The following VPS54 variants were observed in gnomAD, a reference collection of about 807,000 sequenced individuals.
VPS54 encodes vacuolar protein sorting-associated protein 54.
Under a neutral mutation model 121.5 loss-of-function variants are expected in VPS54, and 45 were observed. The observed-to-expected ratio is 0.37, with a 90% CI of 0.29 to 0.47. The LOEUF (loss-of-function observed/expected upper bound fraction) is 0.47, where lower values mean the gene tolerates loss of function less well. Among genes scored for constraint, VPS54 ranks in the 20% least tolerant of loss-of-function variants. The probability of loss-of-function intolerance (pLI) is 0.99; values close to 1 mark genes in which losing one functional copy is unlikely to be tolerated. For missense variants in VPS54, 1,090 were observed against 1,131.4 expected, an observed-to-expected ratio of 0.96 and a Z score of 0.52; for synonymous variants, 371 against 385.8, an observed-to-expected ratio of 0.96 and a Z score of 0.45.
intron 7 of VPS54, among the ~76,000 whole-genome samples, chr2:63,955,962 A>G (rs1675473910): frequency 6.6e-6 from 1 of 152,148 alleles, no homozygotes; most frequent in Non-Finnish European, 1.5e-5. Flanking sequence ...GACAACTAAA[A>G]TATCACTTTC....
intron 3 of VPS54, among the ~76,000 whole-genome samples, chr2:63,977,853 G>C (rs1359295768): frequency 6.6e-6 from 1 of 152,220 alleles, no homozygotes; most frequent in Non-Finnish European, 1.5e-5. Context: ...CTGGCTAAGA[G>C]TTAGGCTTTA....
chr2:64,013,614 A>G (rs1402222334), intron 1 of VPS54, among the ~76,000 whole-genome samples: 3 of 146,484 alleles, frequency 2.0e-5, no homozygotes, highest in South Asian at 2.1e-4. Context: ...CATATGATAT[A>G]TATCAGCATT....
chr2:63,957,491 T>C (rs1675558704), intron 7 of VPS54, among the ~76,000 whole-genome samples: 1 of 151,294 alleles, frequency 6.6e-6, no homozygotes, highest in Non-Finnish European at 1.5e-5. Flanking sequence ...AATTGCCCAA[T>C]TTTGCAACAA....
chr2:64,013,728 A>C (rs926469582), intron 1 of VPS54, among the ~76,000 whole-genome samples: 1 of 148,150 alleles, frequency 6.7e-6, no homozygotes, highest in Admixed American at 6.8e-5. Context: ...AGAGAGATAT[A>C]TATATATCAT....
intron 1 of VPS54, among the ~76,000 whole-genome samples, chr2:63,996,028 C>T (rs767122942): frequency 6.6e-6 from 1 of 152,134 alleles, no homozygotes; most frequent in South Asian, 2.1e-4. Context: ...CCTGTTTAAT[C>T]GGCTTGTCTT....
chr2:63,901,268 G>GA (rs1672669209), intron 20 of VPS54, among the ~76,000 whole-genome samples: 1 of 152,192 alleles, frequency 6.6e-6, no homozygotes, highest in South Asian at 2.1e-4. Flanking sequence ...TAATTCCAAA[G>GA]ACTGAAAAGG....
chr2:63,959,526 A>C (rs1455396646), intron 7 of VPS54, among the ~76,000 whole-genome samples: 1 of 151,818 alleles, frequency 6.6e-6, no homozygotes, highest in Non-Finnish European at 1.5e-5. Flanking sequence ...TGTGGTTCTA[A>C]AAAAAAATAG....
At chr2:63,929,897 A>T (rs574676910) in intron 12 of VPS54, among the ~76,000 whole-genome samples, 4 of 152,296 alleles carry the variant, frequency 2.6e-5, no homozygotes, top group African/African-American at 9.6e-5. Flanking sequence ...CTACACAAAT[A>T]AACTAGAAAA....
intron 9 of VPS54, 127 bp downstream of exon 9, chr2:63,947,256 A>G (rs1675022399): frequency 1.1e-5 from 10 of 927,668 alleles, no homozygotes; most frequent in Non-Finnish European, 1.5e-5. Context: ...CATTTTTCTA[A>G]ATTTTCAGTT....
intron 12 of VPS54, among the ~76,000 whole-genome samples, chr2:63,927,028 G>A (rs1014818029): frequency 1.3e-5 from 2 of 152,200 alleles, no homozygotes; most frequent in South Asian, 2.1e-4. Flanking sequence ...AGAGCACACC[G>A]CAGCTCAGCA....
chr2:63,901,533 A>G (rs2104405938), intron 20 of VPS54, among the ~76,000 whole-genome samples: 1 of 152,324 alleles, frequency 6.6e-6, no homozygotes, highest in East Asian at 1.9e-4. Context: ...AAGGGAGAAG[A>G]TCATATAGAT....
intron 22 of VPS54, 103 bp from the exon 23 acceptor site, chr2:63,893,638 G>C (rs1049187664): frequency 9.9e-7 from 1 of 1,007,746 alleles, no homozygotes; most frequent in African/African-American, 1.6e-5. Flanking sequence ...CTAAAATTCA[G>C]ATTTCTTAGT....
chr2:63,972,417 T>C (rs1286231735), intron 3 of VPS54, among the ~76,000 whole-genome samples, 173 bp from the exon 4 acceptor site: 1 of 152,202 alleles, frequency 6.6e-6, no homozygotes. Flanking sequence ...ATAAACCAAA[T>C]ACCTCTATGA....
intron 20 of VPS54, among the ~76,000 whole-genome samples, chr2:63,907,235 T>C (rs1245225519): frequency 6.6e-6 from 1 of 152,140 alleles, no homozygotes; most frequent in East Asian, 1.9e-4. Context: ...CAAAGATTTC[T>C]TGGCCGGACG....
chr2:63,946,246 C>T (rs1300403687), intron 9 of VPS54, among the ~76,000 whole-genome samples: 2 of 152,070 alleles, frequency 1.3e-5, no homozygotes, highest in African/African-American at 2.4e-5. Flanking sequence ...TAGTATTCCA[C>T]TGTACAAATA....
At chr2:63,928,277 C>A (rs1468112664) in intron 12 of VPS54, among the ~76,000 whole-genome samples, 1 of 152,174 alleles carries the variant, frequency 6.6e-6, no homozygotes, top group Admixed American at 6.5e-5. Context: ...GGTCAGGTTA[C>A]CCACAAAGGG....
chr2:63,967,912 T>C (rs1389392420), intron 5 of VPS54, among the ~76,000 whole-genome samples: 1 of 151,776 alleles, frequency 6.6e-6, no homozygotes, highest in African/African-American at 2.4e-5. Flanking sequence ...GAATTAGATA[T>C]GGGAAGATGA....
intron 3 of VPS54, among the ~76,000 whole-genome samples, chr2:63,977,716 GATCT>G (rs1242600315): frequency 6.6e-6 from 1 of 152,164 alleles, no homozygotes; most frequent in Non-Finnish European, 1.5e-5. Context: ...TCTGATACTT[GATCT>G]GTCTGTTTAA....
At chr2:63,930,637 C>T (rs896691950) in intron 12 of VPS54, among the ~76,000 whole-genome samples, 1 of 152,008 alleles carries the variant, frequency 6.6e-6, no homozygotes, top group African/African-American at 2.4e-5. Flanking sequence ...CACTCCTATT[C>T]AATATAGTAT....
Sources: gnomAD v4.1 joint callset for allele counts (sites outside exome capture counted in the v4.1 genomes callset) on GRCh38, gnomAD v4.1.1 for gene constraint, MANE v1.5 for transcripts, NCBI Gene and HGNC (gene_info 2026-07-23, HGNC 2026-07-21) for gene names.